The following BANK1 variants were observed in gnomAD, a reference collection of about 807,000 sequenced individuals.
BANK1 encodes the protein B cell scaffold protein with ankyrin repeats 1.
Under a neutral mutation model 94.5 loss-of-function variants are expected in BANK1, and 95 were observed. That is an observed-to-expected ratio of 1.00 (90% confidence interval 0.85 to 1.19). The LOEUF is 1.19. Among genes scored for constraint, BANK1 ranks in the 50% most tolerant of loss-of-function variants. The probability of loss-of-function intolerance (pLI) is 0.00; values close to 1 mark genes in which losing one functional copy is unlikely to be tolerated. For synonymous variants in BANK1, 334 were observed against 308.4 expected, an observed-to-expected ratio of 1.08 and a Z score of -0.87; for missense variants, 987 against 932.2, an observed-to-expected ratio of 1.06 and a Z score of -0.77.
At chr4:101,899,551 C>A (rs1225937432) in intron 6 of BANK1, among the ~76,000 whole-genome samples, 1 of 151,806 alleles carries the variant, frequency 6.6e-6, no homozygotes, top group Admixed American at 6.6e-5. Flanking sequence ...CCTGCGTAAC[C>A]AAAAAAAGAT....
intron 8 of BANK1, among the ~76,000 whole-genome samples, chr4:102,022,897 C>T (rs1348510023): frequency 6.6e-6 from 1 of 152,144 alleles, no homozygotes; most frequent in African/African-American, 2.4e-5. Flanking sequence ...ACTTTCTATT[C>T]CTTCTGTACA....
At chr4:101,928,710 G>A (rs889284426) in intron 7 of BANK1, among the ~76,000 whole-genome samples, 12 of 151,584 alleles carry the variant, frequency 7.9e-5, no homozygotes, top group Non-Finnish European at 1.2e-4. Context: ...AATTTGAAGG[G>A]GAGAATGCCA....
At chr4:101,931,146 A>T (rs1429807752) in intron 7 of BANK1, among the ~76,000 whole-genome samples, 1 of 151,438 alleles carries the variant, frequency 6.6e-6, no homozygotes, top group Admixed American at 6.6e-5. Context: ...ATTGACTCTC[A>T]AGAGTATTGT....
In BANK1 at chr4:102,025,227, G is replaced by A. The variant is rs1233925006; in HGVS notation, c.1312G>A (p.Glu438Lys). The A allele has an allele frequency of 2.5e-6, 4 of 1,614,148 alleles. No homozygotes were observed. In the East Asian group the frequency reaches 8.9e-5, roughly 36 times the overall value. The change falls in exon 9 of 17, where the codon GAA (glutamate) becomes AAA (lysine). Residue 438 changes from glutamate to lysine, a missense_variant. Glu to Lys is a moderately conservative substitution (Grantham distance 56). Transcript: ENST00000322953. ...CACACAGAACCCAGCATTTCATCAT[G>A]AAAGCAGGAAGACATACGGGCAGAG... ...PSTQNPAFHH[E>K]SRKTYGQSAD...
intron 5 of BANK1, among the ~76,000 whole-genome samples, chr4:101,872,785 A>G (rs896410436): frequency 6.6e-6 from 1 of 152,126 alleles, no homozygotes; most frequent in Non-Finnish European, 1.5e-5. Context: ...CCAAGAGTTC[A>G]AGACCAGCAT....
At position 102,073,582 on chromosome 4, in the gene BANK1, A is replaced by G. The variant is rs531400412; in HGVS notation, c.2299-102A>G. The G allele has an allele frequency of 6.5e-5, 65 of 998,332 alleles. No homozygotes were observed. The South Asian group carries it at 9.4e-4, about 14-fold the overall frequency. The allele number at this position is 998,332 out of a possible 1,614,324, so 61.8% of individuals were successfully genotyped here. On this transcript the variant is annotated intron_variant, in intron 15 of 16. Transcript: ENST00000322953. ...GTTTTCTCTGCAAAGCTGTTTTTCC[A>G]TGGCTGTGAAAGGCAACTATAACTT...
At chr4:101,972,527 A>G (rs1724991160) in intron 7 of BANK1, 1 of 152,104 alleles carries the variant, frequency 6.6e-6, no homozygotes, top group South Asian at 2.1e-4. Flanking sequence ...TGTCCACAGT[A>G]CTAGAATTAT....
chr4:101,976,296 T>A (rs963550564), intron 7 of BANK1, among the ~76,000 whole-genome samples: 7 of 152,102 alleles, frequency 4.6e-5, no homozygotes, highest in Non-Finnish European at 8.8e-5. Context: ...GGGTTAGGTT[T>A]CTCCATTTTC....
At chr4:101,907,873 G>A (rs1464999432) in intron 6 of BANK1, among the ~76,000 whole-genome samples, 1 of 152,138 alleles carries the variant, frequency 6.6e-6, no homozygotes. Context: ...TCTTCAAGGA[G>A]AACTACAAAC....
intron 5 of BANK1, among the ~76,000 whole-genome samples, chr4:101,880,820 G>A (rs1728649367): frequency 6.6e-6 from 1 of 152,032 alleles, no homozygotes; most frequent in South Asian, 2.1e-4. Flanking sequence ...CACACAGTGG[G>A]GAAAAGACAC....
chr4:101,820,985 C>G (rs970233084), intron 1 of BANK1, among the ~76,000 whole-genome samples: 1 of 151,710 alleles, frequency 6.6e-6, no homozygotes, highest in Admixed American at 6.6e-5. Context: ...CTGGGTGGGT[C>G]GAATGCCATT....
In BANK1 at chr4:101,797,962, T is replaced by C. The variant is rs559164067; in HGVS notation, c.70+7012T>C. On this transcript the variant is annotated intron_variant, in intron 1 of 16. Transcript: ENST00000322953. ...CTGTGGAAAACAAACATTTCAGTGT[T>C]GGTAGAGAAGGAGGAGTTGCTCAAT... Among the ~76,000 whole-genome samples, 43 of 152,238 alleles carry C rather than the reference T, an allele frequency of 2.8e-4. No individual in the cohort carries two copies. The Middle Eastern group carries it at 0.01, about 36-fold the overall frequency.
At chr4:101,936,556 A>ATATGTATGTATATGTGTATG (rs1723567640) in intron 7 of BANK1, among the ~76,000 whole-genome samples, 1 of 150,574 alleles carries the variant, frequency 6.6e-6, no homozygotes, top group Non-Finnish European at 1.5e-5. Flanking sequence ...ACGTATACAT[A>ATATGTATGTATATGTGTATG]TATGTATATG....
chr4:101,840,439 A>G (rs1204822324), intron 2 of BANK1, among the ~76,000 whole-genome samples: 1 of 152,146 alleles, frequency 6.6e-6, no homozygotes, highest in Non-Finnish European at 1.5e-5. Context: ...AAATCTCTGA[A>G]GCACTGTGAC....
intron 5 of BANK1, among the ~76,000 whole-genome samples, chr4:101,879,418 T>G (rs1728598008): frequency 6.6e-6 from 1 of 151,900 alleles, no homozygotes; most frequent in Non-Finnish European, 1.5e-5. Flanking sequence ...AACCAAAACC[T>G]TAACAGACCA....
chr4:101,961,168 G>A (rs1724556441), intron 7 of BANK1, among the ~76,000 whole-genome samples: 1 of 152,148 alleles, frequency 6.6e-6, no homozygotes, highest in Non-Finnish European at 1.5e-5. Context: ...CAGAGATGAA[G>A]CTAAAATCTT....
chr4:101,897,990 A>AC (rs991638921), intron 6 of BANK1, among the ~76,000 whole-genome samples: 3 of 151,768 alleles, frequency 2.0e-5, no homozygotes, highest in African/African-American at 4.8e-5. Context: ...TTAAAAAAAA[A>AC]CTTAAAGCTA....
chr4:101,830,247 T>G lies in BANK1; in HGVS notation c.469+41T>G, dbSNP rs747508190. On this transcript the variant is annotated intron_variant, in intron 2 of 16. Coordinates refer to ENST00000322953, the MANE Select transcript of BANK1 (RefSeq NM_017935.5). Reference sequence around the variant, plus strand: ...CTTGTTTGTTTTATTTTTATTTGTTTTTTTTTTTTTGTAATTAAAGAATTG... The same window carrying G: ...CTTGTTTGTTTTATTTTTATTTGTTGTTTTTTTTTTGTAATTAAAGAATTG... The G allele has an allele frequency of 1.6e-5, 9 of 548,576 alleles. No homozygotes were observed. In the South Asian group the frequency reaches 1.8e-4, roughly 11 times the overall value. 34.0% of individuals were successfully genotyped at this position (548,576 alleles called of 1,614,324 possible).
chr4:101,991,744 C>T (rs2148932235), intron 7 of BANK1, among the ~76,000 whole-genome samples: 1 of 152,236 alleles, frequency 6.6e-6, no homozygotes, highest in African/African-American at 2.4e-5. Context: ...GGGGAAGAAC[C>T]AGCAAGTAGA....
Sources: allele counts gnomAD v4.1 joint callset (sites outside exome capture counted in the v4.1 genomes callset), GRCh38; gene constraint gnomAD v4.1.1; transcripts MANE v1.5; gene names NCBI Gene and HGNC (gene_info 2026-07-23, HGNC 2026-07-21).